DST: variants seen among roughly 807,000 people sequenced by gnomAD.
DST encodes bullous pemphigoid antigen.
DST carries 253 observed loss-of-function variants against 875.2 expected under a neutral mutation model. That is an observed-to-expected ratio of 0.29 (90% confidence interval 0.26 to 0.32). The LOEUF (loss-of-function observed/expected upper bound fraction) is 0.32, where lower values mean the gene tolerates loss of function less well. Ranked by LOEUF, DST falls within the 10% of genes least tolerant of loss-of-function variation. The probability of loss-of-function intolerance (pLI) is 1.00; values close to 1 mark genes in which losing one functional copy is unlikely to be tolerated. For synonymous variants in DST, 3,124 were observed against 3,197.1 expected (o/e 0.98, Z 0.77); for missense variants, 8,287 against 9,111.6 (o/e 0.91, Z 3.68).
intron 4 of DST, among the ~76,000 whole-genome samples, chr6:56,774,157 C>A (rs2099673214): frequency 6.6e-6 from 1 of 151,400 alleles, no homozygotes; most frequent in Non-Finnish European, 1.5e-5. Context: ...TCTTGATTCC[C>A]CTGCTCAAAA....
Position 56,561,317 on chromosome 6 carries a change from C to T in DST, c.14301G>A (p.Glu4767=). The stretch of plus-strand genomic sequence containing the variant: ...CACCCACAGAATATACCTTATTCTG[C>T]TCAACTTGAGTCTTCACAGCTTCAG... ...TDTEAVKTQV[E]QNKSFEAELK... Residue 4767 remains glutamate (E), a synonymous_variant, in exon 57 of 104, where the codon GAG becomes GAA. Coordinates refer to ENST00000680361, the MANE Select transcript of DST (RefSeq NM_001374736.1). 1.2e-6 allele frequency: 2 copies of T among 1,612,502 alleles called. No individual in the cohort carries two copies. The highest frequency in any genetic ancestry group is 1.7e-6 in the Non-Finnish European group (2 of 1,179,110).
chr6:56,707,825 CA>C (rs1477666282), intron 5 of DST, among the ~76,000 whole-genome samples: 1 of 152,164 alleles, frequency 6.6e-6, no homozygotes, highest in Non-Finnish European at 1.5e-5. Context: ...AAAATTAAAA[CA>C]GACATGTTTA....
intron 2 of DST, among the ~76,000 whole-genome samples, chr6:56,946,216 A>T (rs1209581817): frequency 6.6e-6 from 1 of 152,204 alleles, no homozygotes; most frequent in Non-Finnish European, 1.5e-5. Flanking sequence ...AGGAAATATC[A>T]AGAAGGAATC....
intron 49 of DST, 69 bp from the exon 50 acceptor site, chr6:56,579,006 T>C (rs2097916958): frequency 1.5e-6 from 2 of 1,321,586 alleles, no homozygotes; most frequent in Non-Finnish European, 1.0e-6. Context: ...GTGGAAAAAA[T>C]GATTTCTAAT....
intron 4 of DST, among the ~76,000 whole-genome samples, chr6:56,785,329 G>T (rs1245874319): frequency 1.3e-5 from 2 of 152,232 alleles, no homozygotes; most frequent in Non-Finnish European, 2.9e-5. Context: ...GCCTACAGAG[G>T]CAGGCAGGCC....
intron 47 of DST, among the ~76,000 whole-genome samples, chr6:56,597,262 T>C (rs1459613275): frequency 6.6e-6 from 1 of 151,784 alleles, no homozygotes; most frequent in East Asian, 1.9e-4. Flanking sequence ...AAGATTGTTC[T>C]CTTAGAACAC....
chr6:56,622,432 G>A (rs1311095183), intron 36 of DST, among the ~76,000 whole-genome samples: 1 of 151,834 alleles, frequency 6.6e-6, no homozygotes, highest in African/African-American at 2.4e-5. Flanking sequence ...AGCCCGGCGT[G>A]GTGGCAGGCG....
chr6:56,594,545 C>A (rs1586039124), intron 47 of DST, among the ~76,000 whole-genome samples: 1 of 152,068 alleles, frequency 6.6e-6, no homozygotes, highest in East Asian at 1.9e-4. Flanking sequence ...CTCACAACTA[C>A]CCAAAAAAGA....
chr6:56,600,317 T>C, intron 44 of DST, 96 bp from the exon 45 acceptor site: 1 of 1,199,100 alleles, frequency 8.3e-7, no homozygotes, highest in Admixed American at 2.0e-5. Context: ...CCAAGTTTTG[T>C]CTAATAAGCT....
chr6:56,493,099 C>A lies in DST; in HGVS notation c.20395-10G>T. On this transcript the variant is annotated splice_polypyrimidine_tract_variant and intron_variant, in intron 83 of 103. Coordinates refer to ENST00000680361, the MANE Select transcript of DST (RefSeq NM_001374736.1). ...CCTCTTCCAGTTTAGTCTGCAAGGA[C>A]AGATTGTTTAGTATGTGATGTTTAA... The A allele has an allele frequency of 3.7e-6, 6 of 1,606,080 alleles. No homozygotes were observed. Among genetic ancestry groups the A allele is most frequent in the Non-Finnish European group, 5.1e-6 (6 of 1,175,742 alleles).
chr6:56,717,900 G>C (rs909498920), intron 5 of DST, among the ~76,000 whole-genome samples: 9 of 152,034 alleles, frequency 5.9e-5, no homozygotes, highest in South Asian at 2.1e-4. Context: ...TGTTTTGCTG[G>C]CTCTACATGT....
intron 4 of DST, among the ~76,000 whole-genome samples, chr6:56,821,911 C>T (rs1317584410): frequency 6.6e-6 from 1 of 152,138 alleles, no homozygotes; most frequent in Non-Finnish European, 1.5e-5. Flanking sequence ...AAGCTCAGTC[C>T]AGAGCTTCCA....
intron 36 of DST, chr6:56,617,467 G>A: frequency 7.0e-7 from 1 of 1,426,026 alleles, no homozygotes; most frequent in Non-Finnish European, 9.9e-7. Context: ...AGAACATTAT[G>A]TCACTTTATC....
intron 4 of DST, among the ~76,000 whole-genome samples, chr6:56,786,581 A>G (rs2099706056): frequency 6.6e-6 from 1 of 152,098 alleles, no homozygotes; most frequent in African/African-American, 2.4e-5. Flanking sequence ...CACCCAGGCT[A>G]CAGTGCAGTG....
intron 50 of DST, among the ~76,000 whole-genome samples, chr6:56,576,527 T>C (rs7748986): frequency 0.048 from 7,266 of 152,162 alleles, 257 homozygotes; most frequent in Non-Finnish European, 0.074. Flanking sequence ...TTGAACTGAA[T>C]TGAATTATAG....
chr6:56,915,153 G>T (rs1800330973), intron 2 of DST, among the ~76,000 whole-genome samples: 1 of 152,180 alleles, frequency 6.6e-6, no homozygotes, highest in Admixed American at 6.5e-5. Flanking sequence ...CAATCTGTTT[G>T]CATGCAGCCT....
chr6:56,482,459 C>T, intron 89 of DST: 1 of 525,282 alleles, frequency 1.9e-6, no homozygotes, highest in Non-Finnish European at 3.2e-6. Context: ...AGACATTACT[C>T]ACGCAGCACT....
At chr6:56,519,490 G>A (rs931415094) in intron 69 of DST, among the ~76,000 whole-genome samples, 1 of 152,138 alleles carries the variant, frequency 6.6e-6, no homozygotes, top group Non-Finnish European at 1.5e-5. Context: ...AGACCATGTG[G>A]GGAGGCTGGG....
intron 15 of DST, chr6:56,642,978 G>A: frequency 7.4e-7 from 1 of 1,358,464 alleles, no homozygotes. Flanking sequence ...CTATTCAAAA[G>A]AATCTAGCCT....
Sources: allele counts gnomAD v4.1 joint callset (sites outside exome capture counted in the v4.1 genomes callset), GRCh38; gene constraint gnomAD v4.1.1; transcripts MANE v1.5; gene names NCBI Gene and HGNC (gene_info 2026-07-23, HGNC 2026-07-21).